The following NEBL variants were observed in gnomAD, a reference collection of about 807,000 sequenced individuals.
The protein encoded by NEBL is LIM and SH3 protein 2.
A neutral mutation model predicts 140.2 loss-of-function variants in NEBL; 122 were observed. That is an observed-to-expected ratio of 0.87 (90% CI 0.75 to 1.01). The LOEUF is 1.01. Ranked by LOEUF, NEBL falls within the 50% of genes least tolerant of loss-of-function variation. NEBL has a pLI of 0.00. For missense variants in NEBL, 1,365 were observed against 1,231.3 expected (o/e 1.11, Z -1.62); for synonymous variants, 436 against 398.9 (o/e 1.09, Z -1.11).
chr10:21,199,305 T>A (rs1286549238), intron 3 of NEBL, among the ~76,000 whole-genome samples: 1 of 152,152 alleles, frequency 6.6e-6, no homozygotes, highest in Non-Finnish European at 1.5e-5. Flanking sequence ...AGTGCTGGGA[T>A]TACAAGAGTG....
At chr10:20,858,427 A>C (rs909811910) in intron 8 of NEBL, 83 bp from the exon 9 acceptor site, 8 of 1,166,454 alleles carry the variant, frequency 6.9e-6, no homozygotes, top group Non-Finnish European at 8.8e-6. Flanking sequence ...CATACATCAT[A>C]AAGTAGGACT....
intron 2 of NEBL, among the ~76,000 whole-genome samples, chr10:21,065,048 C>T (rs960240067): frequency 1.3e-5 from 2 of 152,062 alleles, no homozygotes; most frequent in African/African-American, 4.8e-5. Context: ...CCTGAGTCTG[C>T]CCAATAATGA....
chr10:21,061,255 G>GTGATATGTAACATATTACATATTATA (rs2131878625), intron 2 of NEBL, among the ~76,000 whole-genome samples: 1 of 145,270 alleles, frequency 6.9e-6, no homozygotes, highest in African/African-American at 2.6e-5. Context: ...TACATATTAT[G>GTGATATGTAACATATTACATATTATA]TGATATGTAA....
intron 3 of NEBL, among the ~76,000 whole-genome samples, chr10:21,228,820 C>A (rs561808459): frequency 6.6e-6 from 1 of 152,154 alleles, no homozygotes; most frequent in African/African-American, 2.4e-5. Context: ...TACAGTCATT[C>A]ATTTTACTCA....
intron 3 of NEBL, among the ~76,000 whole-genome samples, chr10:21,006,675 C>T (rs888776820): frequency 2.0e-5 from 3 of 152,156 alleles, no homozygotes; most frequent in Non-Finnish European, 4.4e-5. Context: ...ATGGCTTTCA[C>T]CAAATTTCCA....
At chr10:20,936,761 T>C (rs1032491204) in intron 4 of NEBL, among the ~76,000 whole-genome samples, 1 of 152,240 alleles carries the variant, frequency 6.6e-6, no homozygotes, top group African/African-American at 2.4e-5. Context: ...CCTGTTCTAA[T>C]TATTGCCTTT....
At chr10:21,237,594 A>G (rs1205959307) in intron 3 of NEBL, among the ~76,000 whole-genome samples, 3 of 150,682 alleles carry the variant, frequency 2.0e-5, no homozygotes, top group Non-Finnish European at 4.4e-5. Flanking sequence ...TCTCCCTCAT[A>G]TCTTTCTATC....
rs749452317 is a variant in NEBL at position 20,812,774 on chromosome 10, A to G, written c.2513T>C (p.Ile838Thr). Reference sequence around the variant, plus strand: ...GACAAACGCCGTCAGCTTACCAACAATGATTCCAGGTCTCCTGTCCATCTC... The same window carrying G: ...GACAAACGCCGTCAGCTTACCAACAGTGATTCCAGGTCTCCTGTCCATCTC... ...IVEMDRRPGI[I>T]VDLKVWRTDP... Residue 838 changes from isoleucine to threonine, a missense_variant, in exon 24 of 28, where the codon ATT (isoleucine) becomes ACT (threonine). Ile to Thr is a moderately conservative substitution (Grantham distance 89). Around this residue, in one of 2 missense-constraint regions of NEBL, gnomAD observed 1,323 missense variants for 1,154.8 expected, o/e 1.15. Transcript: ENST00000377122. 4 of 1,613,624 alleles carry G rather than the reference A, an allele frequency of 2.5e-6. No individual in the cohort carries two copies. Among genetic ancestry groups the G allele is most frequent in the Admixed American group, 3.3e-5 (2 of 59,960 alleles).
chr10:20,851,486 T>C (rs1027875020), intron 10 of NEBL, among the ~76,000 whole-genome samples: 1 of 151,896 alleles, frequency 6.6e-6, no homozygotes, highest in Non-Finnish European at 1.5e-5. Flanking sequence ...GATAGAACTT[T>C]GTGAAATGGC....
At chr10:20,956,771 T>TAA (rs956202921) in intron 4 of NEBL, among the ~76,000 whole-genome samples, 1 of 149,834 alleles carries the variant, frequency 6.7e-6, no homozygotes, top group Admixed American at 6.7e-5. Context: ...TTCTCATATT[T>TAA]AAAAAAAAAA....
chr10:21,188,553 A>G (rs11012566), intron 3 of NEBL, among the ~76,000 whole-genome samples: 22,096 of 151,804 alleles, frequency 0.15, 1,663 homozygotes, highest in African/African-American at 0.17. Flanking sequence ...AAATGTGAAC[A>G]TGCAAAAATG....
chr10:20,866,540 G>A (rs983393438), intron 7 of NEBL, among the ~76,000 whole-genome samples: 7 of 151,956 alleles, frequency 4.6e-5, no homozygotes, highest in Non-Finnish European at 5.9e-5. Context: ...CTTTTTATAC[G>A]TGCACAACTA....
At chr10:21,110,085 A>C in intron 2 of NEBL, among the ~76,000 whole-genome samples, 1 of 151,856 alleles carries the variant, frequency 6.6e-6, no homozygotes, top group Non-Finnish European at 1.5e-5. Context: ...AGTTCTTTTA[A>C]TTGTGATGTT....
chr10:21,106,863 T>TA (rs1016935858), intron 2 of NEBL, among the ~76,000 whole-genome samples: 4 of 152,084 alleles, frequency 2.6e-5, no homozygotes, highest in Admixed American at 6.6e-5. Context: ...TTATTTTGTT[T>TA]AGCAGTGGTT....
intron 2 of NEBL, among the ~76,000 whole-genome samples, chr10:21,123,592 CTCT>C (rs1021111361): frequency 2.2e-4 from 34 of 152,026 alleles, no homozygotes; most frequent in African/African-American, 8.0e-4. Flanking sequence ...ATGCCTGGAA[CTCT>C]TCTTCTCCCC....
At chr10:21,047,441 T>G (rs913554846) in intron 2 of NEBL, among the ~76,000 whole-genome samples, 2 of 152,126 alleles carry the variant, frequency 1.3e-5, no homozygotes, top group African/African-American at 4.8e-5. Context: ...GTTATTTCTA[T>G]AGAAGAATCT....
intron 3 of NEBL, among the ~76,000 whole-genome samples, chr10:21,196,558 T>G (rs1841655676): frequency 6.6e-6 from 1 of 151,908 alleles, no homozygotes; most frequent in Non-Finnish European, 1.5e-5. Flanking sequence ...TTGGCCAGGC[T>G]GGTCTCGAAC....
intron 2 of NEBL, among the ~76,000 whole-genome samples, chr10:21,251,476 G>A (rs1200742529): frequency 1.3e-5 from 2 of 152,092 alleles, no homozygotes; most frequent in Non-Finnish European, 2.9e-5. Context: ...TAGGTTGAAT[G>A]GTGTTCTCCC....
chr10:20,927,431 G>C (rs998443704), intron 4 of NEBL, among the ~76,000 whole-genome samples: 7 of 152,170 alleles, frequency 4.6e-5, no homozygotes, highest in African/African-American at 1.7e-4. Context: ...AGCAAATGGT[G>C]ATCATCACTG....
Sources: gnomAD v4.1 joint callset for allele counts (sites outside exome capture counted in the v4.1 genomes callset) on GRCh38, gnomAD v4.1.1 for gene constraint, gnomAD v4.1.1 regional missense constraint, MANE v1.5 for transcripts, NCBI Gene and HGNC (gene_info 2026-07-23, HGNC 2026-07-21) for gene names.